The following SUMF1 variants were observed in gnomAD, a reference collection of about 807,000 sequenced individuals.
SUMF1 encodes sulfatase modifying factor 1, also known as formylglycine-generating enzyme.
SUMF1 carries 48 observed loss-of-function variants against 47.6 expected under a neutral mutation model. The observed-to-expected ratio is 1.01, with a 90% CI of 0.80 to 1.28. SUMF1 has a LOEUF of 1.28. Among genes scored for constraint, SUMF1 ranks in the 50% most tolerant of loss-of-function variants. The pLI is 0.00. For missense variants in SUMF1, 571 were observed against 485.4 expected (o/e 1.18, Z -1.66); for synonymous variants, 230 against 192.1 (o/e 1.20, Z -1.63).
At chr3:4,153,296 C>T (rs548172946) in intron 8 of SUMF1, among the ~76,000 whole-genome samples, 11 of 151,594 alleles carry the variant, frequency 7.3e-5, no homozygotes, top group Admixed American at 7.2e-4. Context: ...ACTGCAGCCT[C>T]GAACTCCTGG....
intron 8 of SUMF1, among the ~76,000 whole-genome samples, chr3:4,071,913 T>C (rs954458629): frequency 2.0e-5 from 3 of 152,178 alleles, no homozygotes; most frequent in Admixed American, 6.5e-5. Context: ...TGAAGAGCAG[T>C]GGTTCTCCCA....
intron 8 of SUMF1, among the ~76,000 whole-genome samples, chr3:4,218,013 C>G (rs968841573): frequency 2.0e-5 from 3 of 151,884 alleles, no homozygotes; most frequent in Non-Finnish European, 4.4e-5. Context: ...TCGCTTAATT[C>G]GACATAGTGG....
In SUMF1 at chr3:4,351,859, A is replaced by G. The variant is rs114517643; in HGVS notation, c.1014+24471T>C. ...CAAAGGTTTACACTCAGATCCCTCT[A>G]TACTGACTGCTTTAACCCTCCTGCC... is the stretch of plus-strand genomic sequence containing the variant. On this transcript the variant is annotated intron_variant and NMD_transcript_variant, in intron 8 of 12. Transcript: ENST00000448413. Among the ~76,000 whole-genome samples the G allele has an allele frequency of 3.6e-3, 554 of 152,344 alleles. 4 individuals carry two copies. Among genetic ancestry groups the G allele is most frequent in the Non-Finnish European group, 6.4e-3 (434 of 68,026 alleles).
At chr3:4,086,087 T>C (rs1309835609) in intron 8 of SUMF1, among the ~76,000 whole-genome samples, 2 of 151,778 alleles carry the variant, frequency 1.3e-5, no homozygotes, top group East Asian at 3.9e-4. Flanking sequence ...GCTGGGGTTC[T>C]AAACACAGAG....
chr3:4,215,635 T>C (rs1695905510), intron 8 of SUMF1, among the ~76,000 whole-genome samples: 1 of 152,144 alleles, frequency 6.6e-6, no homozygotes, highest in Non-Finnish European at 1.5e-5. Context: ...GATTGTATAT[T>C]TAGAAAACCC....
intron 7 of SUMF1, among the ~76,000 whole-genome samples, chr3:4,387,917 A>G (rs557091875): frequency 2.0e-5 from 3 of 152,114 alleles, no homozygotes; most frequent in African/African-American, 7.2e-5. Context: ...GTTTGATTCT[A>G]TTGTGGTTGG....
At chr3:4,353,271 G>A (rs1699543536) in intron 8 of SUMF1, among the ~76,000 whole-genome samples, 1 of 152,042 alleles carries the variant, frequency 6.6e-6, no homozygotes, top group African/African-American at 2.4e-5. Context: ...GAATTTTTTT[G>A]AGACGGAATC....
intron 8 of SUMF1, among the ~76,000 whole-genome samples, chr3:4,262,137 G>T (rs925559032): frequency 6.6e-6 from 1 of 151,998 alleles, no homozygotes; most frequent in East Asian, 1.9e-4. Flanking sequence ...AGAGCTAAAG[G>T]GTAGTGTAAC....
chr3:4,052,652 T>C (rs555274519), intron 9 of SUMF1, among the ~76,000 whole-genome samples: 83 of 152,234 alleles, frequency 5.5e-4, no homozygotes, highest in Non-Finnish European at 7.9e-4. Context: ...TTTCTTTGCA[T>C]TTTTTGTCTA....
chr3:4,401,957 A>T (rs777551222), intron 7 of SUMF1, among the ~76,000 whole-genome samples: 2 of 152,202 alleles, frequency 1.3e-5, no homozygotes, highest in Non-Finnish European at 2.9e-5. Flanking sequence ...CAAAGCCCCT[A>T]GCTGGTAAGC....
intron 8 of SUMF1, among the ~76,000 whole-genome samples, chr3:4,182,841 A>G (rs1695124589): frequency 6.6e-6 from 1 of 152,182 alleles, no homozygotes; most frequent in South Asian, 2.1e-4. Context: ...ACTCATCACA[A>G]TAATCCTAGA....
At chr3:4,078,428 C>G (rs1490221214) in intron 8 of SUMF1, among the ~76,000 whole-genome samples, 1 of 152,052 alleles carries the variant, frequency 6.6e-6, no homozygotes, top group African/African-American at 2.4e-5. Context: ...TAACTTTGAT[C>G]ATGTGTTTCA....
intron 8 of SUMF1, among the ~76,000 whole-genome samples, chr3:4,286,094 CTTAAA>C (rs1697627444): frequency 6.6e-6 from 1 of 151,994 alleles, no homozygotes; most frequent in African/African-American, 2.4e-5. Context: ...TTGTTATATG[CTTAAA>C]TTATATAGTT....
At chr3:4,366,961 T>C (rs188125588) in intron 8 of SUMF1, among the ~76,000 whole-genome samples, 4,455 of 152,320 alleles carry the variant, frequency 0.029, 201 homozygotes, top group African/African-American at 0.1. Context: ...TGCAGGTCTG[T>C]TGGAGTTTGC....
At chr3:4,370,211 G>C (rs17040536) in intron 8 of SUMF1, among the ~76,000 whole-genome samples, 2 of 152,158 alleles carry the variant, frequency 1.3e-5, no homozygotes, top group Admixed American at 6.5e-5. Flanking sequence ...TGGAGCATGA[G>C]AATTCCAGGC....
rs144199302 is a variant in SUMF1, at chr3:4,079,251, C to T, written c.1015-10506G>A. Among the ~76,000 whole-genome samples the T allele has an allele frequency of 1.2e-4, 18 of 152,224 alleles. No homozygotes were observed. The East Asian group carries it at 3.3e-3, about 28-fold the overall frequency. On this transcript the variant is annotated intron_variant and NMD_transcript_variant, in intron 8 of 12. Coordinates refer to the SUMF1 transcript ENST00000448413. Reference sequence around the variant, plus strand: ...TTATTAGCTAACACCTCGCTTCAATCCTTGAAACCACACACCAGAATCTTA... The same window carrying T: ...TTATTAGCTAACACCTCGCTTCAATTCTTGAAACCACACACCAGAATCTTA...
At position 4,293,771 on chromosome 3, in the gene SUMF1, C is replaced by T. The variant is rs1697786468; in HGVS notation, c.1014+82559G>A. Among the ~76,000 whole-genome samples, 8 of 152,290 alleles carry T rather than the reference C, an allele frequency of 5.3e-5. 1 individual carries two copies. In the South Asian group the frequency reaches 1.7e-3, roughly 32 times the overall value. ...TGATTATATTTTCAAAGCCCAAGAG[C>T]ACAACCCTTAGTAAAAACATCTCTC... On this transcript the variant is annotated intron_variant and NMD_transcript_variant, in intron 8 of 12. Coordinates refer to the SUMF1 transcript ENST00000448413.
intron 8 of SUMF1, among the ~76,000 whole-genome samples, chr3:4,228,168 T>A (rs1696215236): frequency 6.6e-6 from 1 of 152,102 alleles, no homozygotes; most frequent in African/African-American, 2.4e-5. Context: ...TAAGTCATTT[T>A]CAATATATCA....
intron 8 of SUMF1, among the ~76,000 whole-genome samples, chr3:4,285,855 T>C (rs1427733090): frequency 6.6e-6 from 1 of 152,108 alleles, no homozygotes; most frequent in African/African-American, 2.4e-5. Context: ...AACACTATAA[T>C]AGCAATGCAA....
Sources: gnomAD v4.1 joint callset for allele counts (sites outside exome capture counted in the v4.1 genomes callset) on GRCh38, gnomAD v4.1.1 for gene constraint, MANE v1.5 for transcripts, NCBI Gene and HGNC (gene_info 2026-07-23, HGNC 2026-07-21) for gene names.